The following DLG2 variants were observed in gnomAD, a reference collection of about 807,000 sequenced individuals.
DLG2 encodes the protein discs large MAGUK scaffold protein 2.
DLG2 carries 45 observed loss-of-function variants against 132.5 expected under a neutral mutation model. The observed-to-expected ratio is 0.34, with a 90% CI of 0.27 to 0.44. DLG2 has a LOEUF of 0.44. Among genes scored for constraint, DLG2 ranks in the 20% least tolerant of loss-of-function variants. DLG2 has a pLI of 1.00. For synonymous variants in DLG2, 424 were observed against 419.6 expected (o/e 1.01, Z -0.13); for missense variants, 1,045 against 1,196.9 (o/e 0.87, Z 1.87).
chr11:84,285,381 T>A lies in DLG2; in HGVS notation c.520-34090A>T, dbSNP rs991437326. ...CTGTCACCAGGGTCAGCTTGGCCCA[T>A]CTCCCCCTTCTCTGTGACCTAGCCC... On this transcript the variant is annotated intron_variant, in intron 7 of 27. Coordinates refer to ENST00000376104, the MANE Select transcript of DLG2 (RefSeq NM_001142699.3). Among the ~76,000 whole-genome samples, 3 of 152,268 alleles carry A rather than the reference T, an allele frequency of 2.0e-5. No homozygotes were observed. The East Asian group carries it at 5.8e-4, about 29-fold the overall frequency.
At chr11:84,868,677 G>A (rs552478072) in intron 6 of DLG2, among the ~76,000 whole-genome samples, 130 of 152,132 alleles carry the variant, frequency 8.5e-4, no homozygotes, top group Middle Eastern at 3.4e-3. Flanking sequence ...ATGATGAGTC[G>A]GGCAGACACA....
At chr11:84,402,261 TA>T (rs1463476836) in intron 7 of DLG2, among the ~76,000 whole-genome samples, 1 of 152,150 alleles carries the variant, frequency 6.6e-6, no homozygotes, top group Non-Finnish European at 1.5e-5. Flanking sequence ...TTAAGAGGAA[TA>T]AAATGTATCT....
Position 83,789,678 on chromosome 11 carries a change from G to A in DLG2, c.1723-2886C>T, listed in dbSNP as rs558428741. 4.4e-4 allele frequency among the ~76,000 whole-genome samples: 67 copies of A among 152,200 alleles called. 1 individual carries two copies. The highest frequency in any genetic ancestry group is 1.5e-3 in the African/African-American group (63 of 41,536). On this transcript the variant is annotated intron_variant, in intron 17 of 27. Coordinates refer to ENST00000376104, the MANE Select transcript of DLG2 (RefSeq NM_001142699.3). ...TTCTCCTGCCTCAGCCTCCTGAGTA[G>A]CTGGGACTACAGGCACGTGCCACCA...
intron 5 of DLG2, among the ~76,000 whole-genome samples, chr11:85,132,521 AC>A (rs2075797324): frequency 6.6e-6 from 1 of 152,012 alleles, no homozygotes. Flanking sequence ...TAAAAAAAAA[AC>A]AAAAAACAAA....
chr11:85,259,350 C>A (rs143345032), intron 4 of DLG2, among the ~76,000 whole-genome samples: 1 of 152,064 alleles, frequency 6.6e-6, no homozygotes, highest in African/African-American at 2.4e-5. Context: ...TGAGGCCTCC[C>A]GAGAAGCAGA....
intron 9 of DLG2, among the ~76,000 whole-genome samples, chr11:84,102,299 ATC>A (rs1252409224): frequency 6.6e-6 from 1 of 152,076 alleles, no homozygotes; most frequent in Non-Finnish European, 1.5e-5. Context: ...TGTAGTATTC[ATC>A]TTTGTTTTTT....
At chr11:84,582,478 T>C (rs1203544079) in intron 6 of DLG2, among the ~76,000 whole-genome samples, 2 of 148,550 alleles carry the variant, frequency 1.3e-5, no homozygotes, top group Non-Finnish European at 3.0e-5. Context: ...TATAAATACA[T>C]ATATAATAAA....
At chr11:85,608,204 GT>G (rs2153263616) in intron 2 of DLG2, among the ~76,000 whole-genome samples, 1 of 152,238 alleles carries the variant, frequency 6.6e-6, no homozygotes, top group South Asian at 2.1e-4. Context: ...ACCATGGGTG[GT>G]TTTGTCTTTC....
At chr11:85,217,026 T>C (rs538213178) in intron 4 of DLG2, among the ~76,000 whole-genome samples, 40 of 152,284 alleles carry the variant, frequency 2.6e-4, no homozygotes, top group African/African-American at 9.4e-4. Flanking sequence ...CACATTTGTA[T>C]AGTACTTCAT....
At chr11:84,869,244 G>A (rs1052959399) in intron 6 of DLG2, among the ~76,000 whole-genome samples, 1 of 152,154 alleles carries the variant, frequency 6.6e-6, no homozygotes, top group Non-Finnish European at 1.5e-5. Flanking sequence ...TCATTACGTG[G>A]TAGCTACTGA....
At chr11:85,062,150 G>C (rs980775110) in intron 6 of DLG2, among the ~76,000 whole-genome samples, 43 of 151,862 alleles carry the variant, frequency 2.8e-4, no homozygotes, top group African/African-American at 9.4e-4. Flanking sequence ...AAATTGAACA[G>C]AGCTTATATT....
chr11:85,213,550 A>G (rs931019359), intron 4 of DLG2, among the ~76,000 whole-genome samples: 1 of 152,154 alleles, frequency 6.6e-6, no homozygotes, highest in African/African-American at 2.4e-5. Context: ...CCAAGGTTTT[A>G]TTATCCAGAT....
intron 7 of DLG2, among the ~76,000 whole-genome samples, chr11:84,397,473 T>C (rs1016417632): frequency 8.5e-5 from 13 of 152,226 alleles, no homozygotes; most frequent in African/African-American, 1.9e-4. Context: ...TTCCGGCCAA[T>C]GGAATGCCAG....
intron 3 of DLG2, among the ~76,000 whole-genome samples, chr11:85,493,482 T>C (rs1377246861): frequency 6.6e-6 from 1 of 152,192 alleles, no homozygotes; most frequent in African/African-American, 2.4e-5. Flanking sequence ...TAGAACAAAG[T>C]ACCATGAACT....
chr11:85,099,070 A>G (rs765718243), intron 6 of DLG2, among the ~76,000 whole-genome samples: 1 of 152,194 alleles, frequency 6.6e-6, no homozygotes, highest in African/African-American at 2.4e-5. Flanking sequence ...TACAGCAACT[A>G]ATGTTCCATT....
chr11:83,633,996 C>T (rs2064146892), intron 18 of DLG2, among the ~76,000 whole-genome samples: 1 of 151,900 alleles, frequency 6.6e-6, no homozygotes, highest in African/African-American at 2.4e-5. Context: ...CCATGGGAAT[C>T]CCAACTCAAT....
At chr11:85,543,838 G>T (rs558384167) in intron 3 of DLG2, among the ~76,000 whole-genome samples, 1 of 148,908 alleles carries the variant, frequency 6.7e-6, no homozygotes, top group South Asian at 2.1e-4. Context: ...GGGGTTGTTT[G>T]TTTTTTTTTC....
At chr11:85,001,493 T>C (rs2058208427) in intron 6 of DLG2, among the ~76,000 whole-genome samples, 1 of 152,144 alleles carries the variant, frequency 6.6e-6, no homozygotes, top group Non-Finnish European at 1.5e-5. Flanking sequence ...AACTCTCAGA[T>C]GCTGGATGTC....
chr11:84,074,024 T>C, intron 10 of DLG2, among the ~76,000 whole-genome samples: 1 of 152,238 alleles, frequency 6.6e-6, no homozygotes, highest in Admixed American at 6.5e-5. Context: ...AAATATCAAA[T>C]CTCATGTTGT....
Sources: allele counts gnomAD v4.1 joint callset (sites outside exome capture counted in the v4.1 genomes callset), GRCh38; gene constraint gnomAD v4.1.1; transcripts MANE v1.5; gene names NCBI Gene and HGNC (gene_info 2026-07-23, HGNC 2026-07-21).